Variants in XPR1 observed in about 807,000 individuals in gnomAD.
The protein encoded by XPR1 is solute carrier family 53 member 1.
Under a neutral mutation model 87.5 loss-of-function variants are expected in XPR1, and 28 were observed. That is an observed-to-expected ratio of 0.32 (90% CI 0.24 to 0.44). The LOEUF (loss-of-function observed/expected upper bound fraction) is 0.44. XPR1 is among the 20% of genes least tolerant of loss of function. The pLI is 1.00. For synonymous variants in XPR1, 300 were observed against 306.1 expected (o/e 0.98, Z 0.21); for missense variants, 559 against 862.3 (o/e 0.65, Z 4.41).
intron 1 of XPR1, among the ~76,000 whole-genome samples, chr1:180,655,469 T>A (rs1655425176): frequency 6.6e-6 from 1 of 151,316 alleles, no homozygotes; most frequent in Non-Finnish European, 1.5e-5. Flanking sequence ...GGTGCGATCT[T>A]GGCTCACTGC....
chr1:180,777,852 G>A (rs190978174), intron 2 of XPR1, among the ~76,000 whole-genome samples: 6 of 152,272 alleles, frequency 3.9e-5, no homozygotes, highest in Admixed American at 1.3e-4. Flanking sequence ...ATAAGCAGGA[G>A]AAACTAAGAA....
intron 9 of XPR1, among the ~76,000 whole-genome samples, chr1:180,828,483 C>T (rs1267301908): frequency 1.3e-5 from 2 of 152,034 alleles, no homozygotes. Flanking sequence ...AATTTTAACT[C>T]ACTATATTAA....
At chr1:180,874,667 G>A (rs1365415341) in intron 13 of XPR1, among the ~76,000 whole-genome samples, 1 of 151,834 alleles carries the variant, frequency 6.6e-6, no homozygotes, top group Non-Finnish European at 1.5e-5. Context: ...TCCAACCTGG[G>A]CAACAAGAGC....
At chr1:180,804,421 C>T (rs2102119922) in intron 4 of XPR1, among the ~76,000 whole-genome samples, 1 of 152,318 alleles carries the variant, frequency 6.6e-6, no homozygotes, top group African/African-American at 2.4e-5. Context: ...ATTTTACTGT[C>T]CATGGGCTGC....
chr1:180,819,212 C>T (rs928384528), intron 7 of XPR1, among the ~76,000 whole-genome samples: 1 of 152,122 alleles, frequency 6.6e-6, no homozygotes, highest in South Asian at 2.1e-4. Context: ...CTTTGGCCTC[C>T]CAAAACACTG....
At chr1:180,759,316 T>C (rs1313125107) in intron 2 of XPR1, among the ~76,000 whole-genome samples, 1 of 152,050 alleles carries the variant, frequency 6.6e-6, no homozygotes, top group Non-Finnish European at 1.5e-5. Flanking sequence ...CAAAAATTAA[T>C]GAATCCAGGA....
At chr1:180,731,201 AG>A (rs1658545282) in intron 2 of XPR1, among the ~76,000 whole-genome samples, 1 of 152,214 alleles carries the variant, frequency 6.6e-6, no homozygotes, top group Non-Finnish European at 1.5e-5. Context: ...AATTTTCTGT[AG>A]GTAGACTTTT....
intron 1 of XPR1, among the ~76,000 whole-genome samples, chr1:180,663,029 C>T (rs1223955058): frequency 2.0e-5 from 3 of 152,158 alleles, no homozygotes; most frequent in Admixed American, 2.0e-4. Context: ...CTGAATTCCT[C>T]CTCTGCTTTA....
chr1:180,706,534 A>C (rs185775918), intron 2 of XPR1, among the ~76,000 whole-genome samples: 333 of 152,372 alleles, frequency 2.2e-3, no homozygotes, highest in Admixed American at 4.6e-3. Context: ...GAAAATTCAC[A>C]TAACACAAAA....
At chr1:180,760,825 A>G (rs1647992907) in intron 2 of XPR1, among the ~76,000 whole-genome samples, 1 of 152,244 alleles carries the variant, frequency 6.6e-6, no homozygotes, top group Admixed American at 6.5e-5. Flanking sequence ...CTAAGCCAAA[A>G]GAAGAAAACC....
At chr1:180,719,149 A>ATGTATT (rs1658095161) in intron 2 of XPR1, among the ~76,000 whole-genome samples, 1 of 152,350 alleles carries the variant, frequency 6.6e-6, no homozygotes, top group African/African-American at 2.4e-5. Context: ...AAAACCTGGG[A>ATGTATT]TATATAAATA....
Position 180,888,607 on chromosome 1 carries a change from A to G in XPR1, c.*4541A>G, listed in dbSNP as rs1189418603. On this transcript the variant is annotated 3_prime_UTR_variant, in exon 15 of 15. Coordinates refer to ENST00000367590, the MANE Select transcript of XPR1 (RefSeq NM_004736.4). ...AGTTAGGTAAAGAAGAATAAATCCA[A>G]TTTATCAGCTTTGTTCATATTCTTT... 1 of 152,054 alleles carries G rather than the reference A, an allele frequency of 6.6e-6. No individual in the cohort carries two copies. The highest frequency in any genetic ancestry group is 1.5e-5 in the Non-Finnish European group (1 of 68,020). The allele number at this position is 152,054 out of a possible 1,614,324, so 9.4% of individuals were successfully genotyped here.
rs780641562 is a variant in XPR1, at chr1:180,836,746, T to G, written c.1501+30T>G. On this transcript the variant is annotated intron_variant, in intron 11 of 14. Transcript: ENST00000367590. ...TCTGTGATTGACTCTGAAGAGATTT[T>G]TTTAAACCTGGATTTTTACTACCTG... The G allele has an allele frequency of 2.4e-5, 38 of 1,608,034 alleles. 1 individual carries two copies. In the African/African-American group the frequency reaches 3.6e-4, roughly 15 times the overall value.
Position 180,862,180 on chromosome 1 carries a change from ATTT to A in XPR1, c.1502-1520_1502-1518del, listed in dbSNP as rs536089833. 2.0e-5 allele frequency among the ~76,000 whole-genome samples: 3 copies of A among 146,792 alleles called. No homozygotes were observed. In the South Asian group the frequency reaches 6.3e-4, roughly 31 times the overall value. On this transcript the variant is annotated intron_variant, in intron 11 of 14. Coordinates refer to ENST00000367590, the MANE Select transcript of XPR1 (RefSeq NM_004736.4). ...ACAACACTGAAGCTCCAAGGCAACT[ATTT>A]TTTTTTTAACTAATTGATTGCAAGT...
At chr1:180,810,829 G>A (rs1192794643) in intron 6 of XPR1, among the ~76,000 whole-genome samples, 2 of 151,288 alleles carry the variant, frequency 1.3e-5, no homozygotes, top group Non-Finnish European at 2.9e-5. Context: ...GTATATATAT[G>A]TGTGTATATA....
chr1:180,659,440 T>C (rs371266514), intron 1 of XPR1, among the ~76,000 whole-genome samples: 2 of 121,020 alleles, frequency 1.7e-5, no homozygotes, highest in Non-Finnish European at 3.6e-5. Flanking sequence ...TCCTTCCTTC[T>C]TCCCTCCTTC....
At chr1:180,680,357 CTTTTTTTT>C (rs369905770) in intron 1 of XPR1, among the ~76,000 whole-genome samples, 14 of 83,392 alleles carry the variant, frequency 1.7e-4, no homozygotes, top group African/African-American at 6.0e-4. Context: ...CAAATAGAAC[CTTTTTTTT>C]TTTTTTTTTT....
At chr1:180,816,288 G>A (rs1021418552) in intron 7 of XPR1, among the ~76,000 whole-genome samples, 8 of 152,144 alleles carry the variant, frequency 5.3e-5, no homozygotes, top group Non-Finnish European at 7.4e-5. Flanking sequence ...CCTCCCATGC[G>A]CAGCTCACAA....
intron 2 of XPR1, among the ~76,000 whole-genome samples, chr1:180,740,103 T>C (rs576697041): frequency 1.2e-4 from 19 of 152,330 alleles, no homozygotes; most frequent in Admixed American, 5.9e-4. Context: ...CTTGGGATTG[T>C]CTACACGGTC....
Sources: allele counts gnomAD v4.1 joint callset (sites outside exome capture counted in the v4.1 genomes callset), GRCh38; gene constraint gnomAD v4.1.1; transcripts MANE v1.5; gene names NCBI Gene and HGNC (gene_info 2026-07-23, HGNC 2026-07-21).